GC: variants seen among roughly 807,000 people sequenced by gnomAD.
GC encodes the protein GC vitamin D binding protein.
In GC, 43 loss-of-function variants were observed where a neutral mutation model predicts 56.7. The ratio of observed to expected loss-of-function variants is 0.76; its 90% CI spans 0.59 to 0.98. The LOEUF (loss-of-function observed/expected upper bound fraction) is 0.98. Among genes scored for constraint, GC ranks in the 50% least tolerant of loss-of-function variants. The pLI is 0.00. For synonymous variants in GC, 216 were observed against 202.7 expected, an observed-to-expected ratio of 1.07 and a Z score of -0.56; for missense variants, 529 against 545.9, an observed-to-expected ratio of 0.97 and a Z score of 0.31.
chr4:71,765,851 C>A (rs933341073), intron 3 of GC, among the ~76,000 whole-genome samples: 1 of 152,258 alleles, frequency 6.6e-6, no homozygotes, highest in South Asian at 2.1e-4. Context: ...TAGTAAATGA[C>A]TCCTCAGAGT....
chr4:71,774,801 A>G (rs1398697377), intron 1 of GC, among the ~76,000 whole-genome samples: 1 of 151,916 alleles, frequency 6.6e-6, no homozygotes, highest in African/African-American at 2.4e-5. Context: ...TAAGAACTTC[A>G]TCTCATATTT....
At chr4:71,770,265 G>A (rs920557432) in intron 1 of GC, among the ~76,000 whole-genome samples, 3 of 152,154 alleles carry the variant, frequency 2.0e-5, no homozygotes, top group Non-Finnish European at 4.4e-5. Context: ...TGTAGCTCAA[G>A]CAAGAGAGCG....
chr4:71,801,162 G>A (rs1201014736), intron 1 of GC, among the ~76,000 whole-genome samples: 3 of 152,030 alleles, frequency 2.0e-5, no homozygotes, highest in Non-Finnish European at 4.4e-5. Context: ...TTTTTAAATG[G>A]GCAAAGGATC....
rs113309551 is a variant in GC, at chr4:71,776,961, C to T, written c.58+7000G>A. ...CATTATTTATGTCTCTATCATCACACATGTTTTTGTCAAACAGATCCCCGA... is the reference window on the plus strand; with the variant it reads ...CATTATTTATGTCTCTATCATCACATATGTTTTTGTCAAACAGATCCCCGA... On this transcript the variant is annotated intron_variant, in intron 1 of 12. Coordinates refer to ENST00000273951, the MANE Select transcript of GC (RefSeq NM_000583.4). Among the ~76,000 whole-genome samples the T allele has an allele frequency of 1.2e-4, 18 of 151,940 alleles. 2 individuals carry two copies. The highest frequency in any genetic ancestry group is 4.3e-4 in the African/African-American group (18 of 41,538).
In GC at chr4:71,765,670, A is replaced by G. The variant is rs748410616; in HGVS notation, c.262-27T>C. On this transcript the variant is annotated intron_variant, in intron 3 of 12. Transcript: ENST00000273951. ...TGGAGGAGAAGGAAAAAGGAAACTC[A>G]TATATATATGTAAATTTCCAGGCTT... 2.9e-6 allele frequency: 4 copies of G among 1,360,764 alleles called. No homozygotes were observed. The South Asian group carries it at 3.5e-5, about 12-fold the overall frequency. 84.3% of individuals were successfully genotyped at this position (1,360,764 alleles called of 1,614,324 possible).
At chr4:71,803,909 G>C in intron 1 of GC, 1 of 1,449,234 alleles carries the variant, frequency 6.9e-7, no homozygotes, top group Non-Finnish European at 9.4e-7. Flanking sequence ...AAATTATTTG[G>C]AATTAGAACG....
chr4:71,780,086 C>A (rs998594563), intron 1 of GC, among the ~76,000 whole-genome samples: 7 of 151,476 alleles, frequency 4.6e-5, no homozygotes, highest in Non-Finnish European at 1.0e-4. Flanking sequence ...GTAGCTGTGT[C>A]ACGACCCTCT....
intron 1 of GC, among the ~76,000 whole-genome samples, chr4:71,775,928 A>G (rs1227963691): frequency 6.6e-6 from 1 of 152,054 alleles, no homozygotes; most frequent in Non-Finnish European, 1.5e-5. Flanking sequence ...ATCATTAAGG[A>G]GATGCAAATT....
At chr4:71,771,627 C>T (rs72860546) in intron 1 of GC, among the ~76,000 whole-genome samples, 4,789 of 152,120 alleles carry the variant, frequency 0.031, 232 homozygotes, top group African/African-American at 0.11. Context: ...TAGGACAAGG[C>T]AGTAGAGTTG....
At chr4:71,758,628 T>C (rs751985819) in intron 6 of GC, among the ~76,000 whole-genome samples, 12 of 152,180 alleles carry the variant, frequency 7.9e-5, no homozygotes, top group Non-Finnish European at 1.5e-4. Flanking sequence ...TGTGTAACCT[T>C]TCAGTATTTT....
chr4:71,802,093 G>T (rs61156974), intron 1 of GC, among the ~76,000 whole-genome samples: 3,813 of 152,078 alleles, frequency 0.025, 171 homozygotes, highest in African/African-American at 0.087. Context: ...GCTTTGTTTG[G>T]ACAGTAGATT....
upstream of GC, chr4:71,804,083 C>G (rs1743308961): frequency 4.4e-6 from 3 of 683,340 alleles, no homozygotes; most frequent in Non-Finnish European, 8.0e-6. Context: ...GATTTGTATG[C>G]AAGCTCCACC....
chr4:71,773,648 A>G (rs1742410680), intron 1 of GC, among the ~76,000 whole-genome samples: 1 of 152,004 alleles, frequency 6.6e-6, no homozygotes, highest in Non-Finnish European at 1.5e-5. Flanking sequence ...ACTAAAACCT[A>G]ATTTGGCTCC....
At chr4:71,758,255 A>G in intron 6 of GC, 84 bp from the exon 7 acceptor site, 1 of 1,225,840 alleles carries the variant, frequency 8.2e-7, no homozygotes, top group South Asian at 1.3e-5. Flanking sequence ...TTGGAGAAAT[A>G]ATATCACAAT....
intron 1 of GC, among the ~76,000 whole-genome samples, chr4:71,798,044 T>A (rs1743151421): frequency 6.6e-6 from 1 of 152,254 alleles, no homozygotes; most frequent in Non-Finnish European, 1.5e-5. Context: ...CTTTGTTGTC[T>A]CTGTTCTTCA....
chr4:71,803,359 G>T (rs1035170230), intron 1 of GC, among the ~76,000 whole-genome samples: 1 of 152,120 alleles, frequency 6.6e-6, no homozygotes, highest in Non-Finnish European at 1.5e-5. Context: ...CCTTTAAAAA[G>T]TGGAACCTCT....
At chr4:71,787,161 G>C (rs764058758), upstream of GC, among the ~76,000 whole-genome samples, 17 of 151,760 alleles carry the variant, frequency 1.1e-4, no homozygotes, top group Non-Finnish European at 2.1e-4. Flanking sequence ...TCTCCCCTCT[G>C]TTACTGTCAT....
At chr4:71,773,824 C>T (rs1414668366) in intron 1 of GC, among the ~76,000 whole-genome samples, 1 of 152,000 alleles carries the variant, frequency 6.6e-6, no homozygotes, top group South Asian at 2.1e-4. Flanking sequence ...TATATTTTCA[C>T]AATTTCATTT....
rs114329148 is a variant in GC, at chr4:71,749,569, A to G, written c.1395+2949T>C. Among the ~76,000 whole-genome samples the G allele has an allele frequency of 9.3e-3, 1,420 of 152,330 alleles. 13 individuals are homozygous for G. The highest frequency in any genetic ancestry group is 0.014 in the Non-Finnish European group (982 of 68,024). ...CTCAGAGAAAATTTTTCTGGTAGCAAACAACTTCTATGTAAGGTGATTTTA... is the reference window on the plus strand; with the variant it reads ...CTCAGAGAAAATTTTTCTGGTAGCAGACAACTTCTATGTAAGGTGATTTTA... On this transcript the variant is annotated intron_variant, in intron 11 of 12. Coordinates refer to ENST00000273951, the MANE Select transcript of GC (RefSeq NM_000583.4).
Sources: gnomAD v4.1 joint callset for allele counts (sites outside exome capture counted in the v4.1 genomes callset) on GRCh38, gnomAD v4.1.1 for gene constraint, MANE v1.5 for transcripts, NCBI Gene and HGNC (gene_info 2026-07-23, HGNC 2026-07-21) for gene names.